NLRP4: variants seen among roughly 807,000 people sequenced by gnomAD.
NLRP4 encodes the protein NACHT, LRR and PYD domains-containing protein 4.
A neutral mutation model predicts 84.7 loss-of-function variants in NLRP4; 44 were observed. The observed-to-expected ratio is 0.52, with a 90% confidence interval of 0.41 to 0.67. The LOEUF is 0.67. Among genes scored for constraint, NLRP4 ranks in the 30% least tolerant of loss-of-function variants. NLRP4 has a pLI of 0.00. For missense variants in NLRP4, 1,260 were observed against 1,219.4 expected, an observed-to-expected ratio of 1.03 and a Z score of -0.50; for synonymous variants, 544 against 476.4, an observed-to-expected ratio of 1.14 and a Z score of -1.85.
At chr19:55,849,759 A>C (rs1983940080) in intron 1 of NLRP4, among the ~76,000 whole-genome samples, 1 of 144,578 alleles carries the variant, frequency 6.9e-6, no homozygotes, top group Non-Finnish European at 1.5e-5. Flanking sequence ...AAAAGTAAAA[A>C]TGTAATTTCT....
At chr19:55,849,579 A>G (rs1983934577) in intron 1 of NLRP4, among the ~76,000 whole-genome samples, 1 of 152,160 alleles carries the variant, frequency 6.6e-6, no homozygotes, top group African/African-American at 2.4e-5. Context: ...GATGGGGAGA[A>G]AGAGAGCCAG....
intron 1 of NLRP4, among the ~76,000 whole-genome samples, chr19:55,847,441 T>G (rs1042332077): frequency 6.6e-6 from 1 of 152,222 alleles, no homozygotes; most frequent in African/African-American, 2.4e-5. Flanking sequence ...GTGTGTAGGA[T>G]TCCATAAATA....
Position 55,858,894 on chromosome 19 carries a change from T to A in NLRP4, c.1501T>A (p.Cys501Ser), listed in dbSNP as rs764517126. The A allele has an allele frequency of 1.9e-6, 3 of 1,614,144 alleles. No homozygotes were observed. Among genetic ancestry groups the A allele is most frequent in the Non-Finnish European group, 2.5e-6 (3 of 1,180,006 alleles). Residue 501 changes from cysteine to serine, a missense_variant, in exon 3 of 10, where the codon TGT becomes AGT. Physicochemically the swap from Cys to Ser is moderately radical, Grantham distance 112. This residue lies in a region of NLRP4 where 712 missense variants were observed against 669.2 expected (regional missense o/e 1.06). Coordinates refer to ENST00000301295, the MANE Select transcript of NLRP4 (RefSeq NM_134444.5). This position sits in a 1 kb window ranked among gnomAD's most constrained non-coding sequence, Gnocchi z 4.2. ...GAGAGCACATTGGATTTTTTTGGGG[T>A]GTTTTCTAACTGGCCTTTTAAATAA... ...ARRAHWIFLG[C>S]FLTGLLNKKE...
intron 9 of NLRP4, among the ~76,000 whole-genome samples, chr19:55,879,493 C>G (rs539109928): frequency 6.6e-6 from 1 of 150,556 alleles, no homozygotes; most frequent in African/African-American, 2.5e-5. Context: ...CAGCCCCCAC[C>G]CCAGTCTTTT....
At chr19:55,853,800 T>C (rs527920859) in intron 2 of NLRP4, among the ~76,000 whole-genome samples, 18 of 152,134 alleles carry the variant, frequency 1.2e-4, no homozygotes, top group Admixed American at 2.6e-4. Context: ...TTTCTCTCTC[T>C]CTCTCTTTCT....
chr19:55,860,025 A>G (rs1169699685), intron 3 of NLRP4, among the ~76,000 whole-genome samples: 5 of 122,330 alleles, frequency 4.1e-5, no homozygotes, highest in East Asian at 2.4e-4. Context: ...TTGCTTTGTC[A>G]CCCAGGCTGG....
At chr19:55,861,229 A>G (rs961634575) in intron 3 of NLRP4, among the ~76,000 whole-genome samples, 157 bp from the exon 4 acceptor site, 2 of 152,196 alleles carry the variant, frequency 1.3e-5, no homozygotes, top group African/African-American at 2.4e-5. Context: ...AACCACTAAC[A>G]TAAGGTGACT....
chr19:55,842,151 A>G (rs965376664), intron 1 of NLRP4, among the ~76,000 whole-genome samples: 1 of 152,200 alleles, frequency 6.6e-6, no homozygotes, highest in African/African-American at 2.4e-5. Flanking sequence ...TTTTAGGTTC[A>G]AATTTGCATG....
rs985610268 is a variant in NLRP4, at chr19:55,858,456, A to T, written c.1063A>T (p.Met355Leu). Reference sequence around the variant, plus strand: ...CCTGTGTACCAGTCTGAAGCAAGAGATGCAGAAAGGAAAAGACCTGGCCCT... The same window carrying T: ...CCTGTGTACCAGTCTGAAGCAAGAGTTGCAGAAAGGAAAAGACCTGGCCCT... Reference protein sequence around the residue: ...WILCTSLKQEMQKGKDLALTC... With the variant: ...WILCTSLKQELQKGKDLALTC... Residue 355 changes from methionine (M) to leucine (L), a missense_variant, in exon 3 of 10, where the codon ATG becomes TTG. Transcript: ENST00000301295. This position sits in a 1 kb window ranked among gnomAD's most constrained non-coding sequence, Gnocchi z 4.2. The T allele has an allele frequency of 2.5e-6, 4 of 1,613,984 alleles. No homozygotes were observed. In the African/African-American group the frequency reaches 5.3e-5, roughly 22 times the overall value.
At chr19:55,843,825 A>G (rs1451919870) in intron 1 of NLRP4, among the ~76,000 whole-genome samples, 3 of 152,116 alleles carry the variant, frequency 2.0e-5, no homozygotes, top group African/African-American at 7.2e-5. Flanking sequence ...AAAACATACT[A>G]CATCTGGTCC....
At chr19:55,851,745 A>T (rs984717268) in intron 1 of NLRP4, among the ~76,000 whole-genome samples, 1 of 152,178 alleles carries the variant, frequency 6.6e-6, no homozygotes, top group Non-Finnish European at 1.5e-5. Flanking sequence ...GCTGCGGTGT[A>T]ATTTCCAAAA....
chr19:55,859,260 C>T lies in NLRP4; in HGVS notation c.1856+11C>T. 2 of 1,572,142 alleles carry T rather than the reference C, an allele frequency of 1.3e-6. No individual in the cohort carries two copies. Among genetic ancestry groups the T allele is most frequent in the Non-Finnish European group, 1.7e-6 (2 of 1,155,572 alleles). On this transcript the variant is annotated intron_variant, in intron 3 of 9. Coordinates refer to ENST00000301295, the MANE Select transcript of NLRP4 (RefSeq NM_134444.5). ...TGAACACAGCTCTACGTGAGTCCATCCTATGACTTTTTCTCTCTTCTCAGA... is the reference window on the plus strand; with the variant it reads ...TGAACACAGCTCTACGTGAGTCCATTCTATGACTTTTTCTCTCTTCTCAGA...
Position 55,857,674 on chromosome 19 carries a change from G to C in NLRP4, c.281G>C (p.Gly94Ala), listed in dbSNP as rs139677225. Residue 94 changes from glycine (G) to alanine (A), a missense_variant and splice_region_variant, in exon 3 of 10, where the codon GGA (glycine) becomes GCA (alanine). Gly to Ala is a moderately conservative substitution (Grantham distance 60, BLOSUM62 0). Coordinates refer to ENST00000301295, the MANE Select transcript of NLRP4 (RefSeq NM_134444.5). ...LCMKVMRERT[G>A]YTKTYQAHAK... The stretch of plus-strand genomic sequence containing the variant: ...TCTCCTCTTGCCCTCACTGACTCAG[G>C]ATACACAAAGACCTATCAAGCTCAC... The C allele has an allele frequency of 7.5e-4, 1,211 of 1,611,930 alleles. 21 individuals are homozygous for C. The Admixed American group carries it at 0.018, about 24-fold the overall frequency.
rs1464377726 is a variant in NLRP4 at position 55,862,038 on chromosome 19, G to A, written c.2065G>A (p.Val689Met). 3 of 1,613,704 alleles carry A rather than the reference G, an allele frequency of 1.9e-6. No individual in the cohort carries two copies. The highest frequency in any genetic ancestry group is 1.1e-5 in the South Asian group (1 of 91,064). ...FSGQSVLLFE[V>M]LFYQPDLKYL... Reference sequence around the variant, plus strand: ...TGGCCAGAGTGTTCTGCTCTTTGAGGTGCTCTTTTATCAGCCAGACTTGAA... The same window carrying A: ...TGGCCAGAGTGTTCTGCTCTTTGAGATGCTCTTTTATCAGCCAGACTTGAA... Residue 689 changes from valine (V) to methionine (M), a missense_variant, in exon 5 of 10, where the codon GTG (valine) becomes ATG (methionine). This residue lies in a region of NLRP4 where 544 missense variants were observed against 531.7 expected (regional missense o/e 1.02). Transcript: ENST00000301295.
rs760368282 is a variant in NLRP4, at chr19:55,870,916, G to T, written c.2444G>T (p.Ser815Ile). 1 of 1,613,946 alleles carries T rather than the reference G, an allele frequency of 6.2e-7. No homozygotes were observed. Among genetic ancestry groups the T allele is most frequent in the Admixed American group, 1.7e-5 (1 of 60,006 alleles). The change falls in exon 7 of 10, where the codon AGT becomes ATT. Residue 815 changes from serine to isoleucine, a missense_variant. This residue lies in a region of NLRP4 where 544 missense variants were observed against 531.7 expected (regional missense o/e 1.02). Transcript: ENST00000301295. The stretch of plus-strand genomic sequence containing the variant: ...AAGAGCGTGCGCTATCTAGACCTCA[G>T]TGCCAATGTCCTGAAGGACGAAGGA... ...RNKSVRYLDLSANVLKDEGLK... is the reference protein window; with the variant it reads ...RNKSVRYLDLIANVLKDEGLK...
chr19:55,870,548 A>G (rs1985135216), intron 6 of NLRP4, among the ~76,000 whole-genome samples: 1 of 152,156 alleles, frequency 6.6e-6, no homozygotes, highest in Non-Finnish European at 1.5e-5. Context: ...CTGTAATCTC[A>G]GCTACTTGGG....
chr19:55,851,685 AATGTCCGAGGCTGCG>A (rs1984158463), intron 1 of NLRP4, among the ~76,000 whole-genome samples: 2 of 148,684 alleles, frequency 1.3e-5, no homozygotes, highest in Admixed American at 6.7e-5. Flanking sequence ...GCTGCGGTGT[AATGTCCGAGGCTGCG>A]GTGTAATGTC....
Position 55,858,546 on chromosome 19 carries a change from G to T in NLRP4, c.1153G>T (p.Ala385Ser), listed in dbSNP as rs772218151. The T allele has an allele frequency of 6.2e-7, 1 of 1,614,016 alleles. No individual in the cohort carries two copies. The highest frequency in any genetic ancestry group is 1.1e-5 in the South Asian group (1 of 91,080). ...FVFNLFTPEG[A>S]EGPTPQTQHQ... ...CTTTAACCTGTTCACACCTGAGGGT[G>T]CCGAGGGCCCGACTCCGCAAACCCA... The change falls in exon 3 of 10, where the codon GCC becomes TCC. Residue 385 changes from alanine to serine, a missense_variant. This residue lies in a region of NLRP4 where 712 missense variants were observed against 669.2 expected (regional missense o/e 1.06). Coordinates refer to ENST00000301295, the MANE Select transcript of NLRP4 (RefSeq NM_134444.5). The surrounding 1 kb of genome is among the most constrained non-coding windows in gnomAD (Gnocchi z 4.2).
chr19:55,871,495 A>G (rs1265415559), intron 7 of NLRP4, among the ~76,000 whole-genome samples: 1 of 152,240 alleles, frequency 6.6e-6, no homozygotes, highest in Non-Finnish European at 1.5e-5. Flanking sequence ...ACTTAATTTC[A>G]TGTTATCAAA....
Sources: gnomAD v4.1 joint callset for allele counts (sites outside exome capture counted in the v4.1 genomes callset) on GRCh38, gnomAD v4.1.1 for gene constraint, gnomAD v4.1.1 regional missense constraint, Gnocchi (gnomAD v3.1) non-coding constraint, MANE v1.5 for transcripts, NCBI Gene and HGNC (gene_info 2026-07-23, HGNC 2026-07-21) for gene names.